BRSK1: variants seen among roughly 807,000 people sequenced by gnomAD.
BRSK1 encodes the protein BR serine/threonine kinase 1.
BRSK1 carries 17 observed loss-of-function variants against 86.2 expected under a neutral mutation model. That is an observed-to-expected ratio of 0.20 (90% confidence interval 0.14 to 0.30). The LOEUF (loss-of-function observed/expected upper bound fraction) is 0.30, where lower values mean the gene tolerates loss of function less well. BRSK1 is among the 10% of genes least tolerant of loss of function. The pLI is 1.00. For synonymous variants in BRSK1, 464 were observed against 440.1 expected, an observed-to-expected ratio of 1.05 and a Z score of -0.68; for missense variants, 719 against 1,071.9, an observed-to-expected ratio of 0.67 and a Z score of 4.60.
rs1470395601 is a variant in BRSK1 at position 55,303,661 on chromosome 19, C to T, written c.1127-6C>T. On this transcript the variant is annotated splice_region_variant and splice_polypyrimidine_tract_variant and intron_variant, in intron 11 of 18. Transcript: ENST00000309383. The surrounding 1 kb of genome is among the most constrained non-coding windows in gnomAD (Gnocchi z 5.1). ...TCTTGATTGGGTTGAAACTGTTGTC[C>T]CTCAGACCCCCCCCGGAAGCGTGTG... 3 of 1,592,806 alleles carry T rather than the reference C, an allele frequency of 1.9e-6. No individual in the cohort carries two copies. The highest frequency in any genetic ancestry group is 2.6e-6 in the Non-Finnish European group (3 of 1,169,196).
Position 55,302,078 on chromosome 19 carries a change from C to A in BRSK1, c.826-59C>A. On this transcript the variant is annotated intron_variant, in intron 8 of 18. Transcript: ENST00000309383. The surrounding 1 kb of genome is among the most constrained non-coding windows in gnomAD (Gnocchi z 6.3). The stretch of plus-strand genomic sequence containing the variant: ...CCAAAACCACCCCAGTCTTTCATTG[C>A]GCGCCTACATGTGCCTACGACCTCA... 2 of 1,599,878 alleles carry A rather than the reference C, an allele frequency of 1.3e-6. No individual in the cohort carries two copies. The highest frequency in any genetic ancestry group is 1.7e-6 in the Non-Finnish European group (2 of 1,167,066).
chr19:55,287,026 C>G lies in BRSK1; in HGVS notation c.156C>G (p.Val52=). The G allele has an allele frequency of 6.2e-7, 1 of 1,613,992 alleles. No individual in the cohort carries two copies. The highest frequency in any genetic ancestry group is 8.5e-7 in the Non-Finnish European group (1 of 1,179,956). Residue 52 remains valine, a synonymous_variant, in exon 2 of 19, where the codon GTC becomes GTG. Coordinates refer to ENST00000309383, the MANE Select transcript of BRSK1 (RefSeq NM_032430.2). The surrounding 1 kb of genome is among the most constrained non-coding windows in gnomAD (Gnocchi z 5.3). ...CTGCAGGGCTGGTTAAACTCGGGGT[C>G]CACTGCATCACGGGTCAGAAGGTCG... ...KGQTGLVKLG[V]HCITGQKVAI... is the part of the protein sequence containing the mutation.
At chr19:55,297,690 G>C (rs897782934) in intron 7 of BRSK1, among the ~76,000 whole-genome samples, 5 of 152,314 alleles carry the variant, frequency 3.3e-5, no homozygotes, top group African/African-American at 1.2e-4. Flanking sequence ...ATCCAGCCGA[G>C]TTCCAATCCC....
chr19:55,299,145 C>T (rs1045126781), intron 7 of BRSK1, among the ~76,000 whole-genome samples: 5 of 151,810 alleles, frequency 3.3e-5, no homozygotes, highest in East Asian at 1.9e-4. Flanking sequence ...TGCTAGACTC[C>T]GTCTCAATAA....
rs867678789 is a variant in BRSK1 at position 55,304,478 on chromosome 19, G to C, written c.1348-73G>C. 6.5e-4 allele frequency: 939 copies of C among 1,455,564 alleles called. 1 individual carries two copies. The Middle Eastern group carries it at 0.01, about 16-fold the overall frequency. The allele number at this position is 1,455,564 out of a possible 1,614,324, so 90.2% of individuals were successfully genotyped here. The stretch of plus-strand genomic sequence containing the variant: ...ACCGGGCCAGCGTCCGTGAGTGTGC[G>C]TGTGAGTGGGGCTCCTAGAGCCTCC... On this transcript the variant is annotated intron_variant, in intron 13 of 18. Coordinates refer to ENST00000309383, the MANE Select transcript of BRSK1 (RefSeq NM_032430.2). The surrounding 1 kb of genome is among the most constrained non-coding windows in gnomAD (Gnocchi z 5.2).
chr19:55,309,396 T>A (rs1417975768), intron 18 of BRSK1, among the ~76,000 whole-genome samples: 2 of 152,144 alleles, frequency 1.3e-5, no homozygotes, highest in South Asian at 2.1e-4. Context: ...TGCAAAGGTG[T>A]CTTAGTTCGT....
intron 7 of BRSK1, among the ~76,000 whole-genome samples, chr19:55,300,716 G>A (rs1403368055): frequency 4.6e-5 from 7 of 152,228 alleles, no homozygotes; most frequent in Admixed American, 4.6e-4. Context: ...GCATATGCCT[G>A]TAATCCCAGC....
chr19:55,305,631 C>T, intron 16 of BRSK1, 45 bp downstream of exon 16: 1 of 1,612,268 alleles, frequency 6.2e-7, no homozygotes, highest in African/African-American at 1.3e-5. Context: ...CGCAGAACTA[C>T]AAGTCCCAGC....
chr19:55,294,386 G>A lies in BRSK1; in HGVS notation c.667G>A (p.Ala223Thr), dbSNP rs1287950959. The change falls in exon 7 of 19, where the codon GCC becomes ACC. Residue 223 changes from alanine to threonine, a missense_variant. Around this residue, in one of 6 missense-constraint regions of BRSK1, gnomAD observed 75 missense variants for 281.0 expected, o/e 0.27. Coordinates refer to ENST00000309383, the MANE Select transcript of BRSK1 (RefSeq NM_032430.2). This position sits in a 1 kb window ranked among gnomAD's most constrained non-coding sequence, Gnocchi z 4.9. ...GTGGAGCTGTGGAGTCATCCTCTTC[G>A]CCCTGCTCGTGGTAAGGCGCCCTCA... Reference protein sequence around the residue: ...DMWSCGVILFALLVGALPFDD... With the variant: ...DMWSCGVILFTLLVGALPFDD... 1.2e-6 allele frequency: 2 copies of A among 1,613,956 alleles called. No individual in the cohort carries two copies. Among genetic ancestry groups the A allele is most frequent in the East Asian group, 2.2e-5 (1 of 44,878 alleles).
chr19:55,305,214 G>C, intron 14 of BRSK1, 107 bp from the exon 15 acceptor site: 1 of 1,446,812 alleles, frequency 6.9e-7, no homozygotes, highest in African/African-American at 1.4e-5. Flanking sequence ...GGCCGAGGCT[G>C]CAACCCAAGG....
chr19:55,296,709 G>T (rs903715963), intron 7 of BRSK1, among the ~76,000 whole-genome samples: 2 of 152,134 alleles, frequency 1.3e-5, no homozygotes, highest in African/African-American at 4.8e-5. Flanking sequence ...TTAGCCGGGA[G>T]TGGTGGCGGG....
At position 55,302,024 on chromosome 19, in the gene BRSK1, TG is replaced by T; in HGVS notation, c.826-109del. ...ATGTAATATGTCATCCTGCCCCCGGTGGGGTGGGCGGGGAGATGATCAGGGA... is the reference window on the plus strand; with the variant it reads ...ATGTAATATGTCATCCTGCCCCCGGTGGGTGGGCGGGGAGATGATCAGGGA... On this transcript the variant is annotated intron_variant, in intron 8 of 18. Transcript: ENST00000309383. The surrounding 1 kb of genome is among the most constrained non-coding windows in gnomAD (Gnocchi z 6.3). 2 of 1,209,634 alleles carry T rather than the reference TG, an allele frequency of 1.7e-6. No individual in the cohort carries two copies. The highest frequency in any genetic ancestry group is 2.5e-6 in the Non-Finnish European group (2 of 813,494). The allele number at this position is 1,209,634 out of a possible 1,614,324, so 74.9% of individuals were successfully genotyped here.
rs376322774 is a variant in BRSK1, at chr19:55,301,517, T to C, written c.684T>C (p.Ala228=). 3.1e-6 allele frequency: 5 copies of C among 1,613,592 alleles called. No individual in the cohort carries two copies. The African/African-American group carries it at 6.7e-5, about 22-fold the overall frequency. The part of the protein sequence containing the change: ...GVILFALLVG[A]LPFDDDNLRQ... The stretch of plus-strand genomic sequence containing the variant: ...CCTGGTTATCTCTTGCCCAGGGGGC[T>C]CTGCCCTTTGATGACGACAACCTCC... Residue 228 remains alanine (A), a synonymous_variant, in exon 8 of 19, where the codon GCT becomes GCC. Transcript: ENST00000309383.
intron 1 of BRSK1, 90 bp downstream of exon 1, chr19:55,284,668 T>C: frequency 1.8e-6 from 2 of 1,095,830 alleles, no homozygotes; most frequent in Non-Finnish European, 2.3e-6. Flanking sequence ...TGGCAGGGGC[T>C]GGCTGCCCAG....
At position 55,302,054 on chromosome 19, in the gene BRSK1, C is replaced by CA. The variant is rs2088579139; in HGVS notation, c.826-79dup. 5 of 1,541,798 alleles carry CA rather than the reference C, an allele frequency of 3.2e-6. No homozygotes were observed. Among genetic ancestry groups the CA allele is most frequent in the Non-Finnish European group, 4.5e-6 (5 of 1,114,696 alleles). On this transcript the variant is annotated intron_variant, in intron 8 of 18. Transcript: ENST00000309383. The surrounding 1 kb of genome is among the most constrained non-coding windows in gnomAD (Gnocchi z 6.3). ...TGGGCGGGGAGATGATCAGGGACCC[C>CA]AAAACCACCCCAGTCTTTCATTGCG...
At chr19:55,311,881 A>G in intron 18 of BRSK1, 30 bp from the exon 19 acceptor site, 1 of 1,608,242 alleles carries the variant, frequency 6.2e-7, no homozygotes, top group Non-Finnish European at 8.5e-7. Flanking sequence ...GGGCTGCGGA[A>G]CCCACGAAAA....
At chr19:55,301,936 G>C (rs71367169) in intron 8 of BRSK1, 2 of 804,486 alleles carry the variant, frequency 2.5e-6, no homozygotes, top group South Asian at 3.0e-5. Flanking sequence ...TAATGCGGCC[G>C]GTCCGGGGTA....
chr19:55,305,046 G>T (rs2088629030), intron 14 of BRSK1, 126 bp downstream of exon 14: 1 of 1,412,606 alleles, frequency 7.1e-7, no homozygotes. Context: ...CCACGTTCTA[G>T]AGAAGAGGGG....
chr19:55,311,134 G>A (rs2088783440), intron 18 of BRSK1, among the ~76,000 whole-genome samples: 1 of 151,984 alleles, frequency 6.6e-6, no homozygotes, highest in Admixed American at 6.5e-5. Flanking sequence ...GCTAATTTTT[G>A]TATTTTTAGT....
Sources: allele counts gnomAD v4.1 joint callset (sites outside exome capture counted in the v4.1 genomes callset), GRCh38; gene constraint gnomAD v4.1.1; regional missense constraint gnomAD v4.1.1; non-coding constraint Gnocchi (gnomAD v3.1); transcripts MANE v1.5; gene names NCBI Gene and HGNC (gene_info 2026-07-23, HGNC 2026-07-21).